The following KCNG2 variants were observed in gnomAD, a reference collection of about 807,000 sequenced individuals.
The protein encoded by KCNG2 is potassium voltage-gated channel modifier subfamily G member 2.
A neutral mutation model predicts 12.3 loss-of-function variants in KCNG2; 7 were observed. That is an observed-to-expected ratio of 0.57 (90% CI 0.32 to 1.07). The LOEUF is 1.07. Ranked by LOEUF, KCNG2 falls within the 50% of genes least tolerant of loss-of-function variation. The probability of loss-of-function intolerance (pLI) is 0.04; values close to 1 mark genes in which losing one functional copy is unlikely to be tolerated. For synonymous variants in KCNG2, 414 were observed against 351.4 expected, an observed-to-expected ratio of 1.18 and a Z score of -1.99; for missense variants, 703 against 726.0, an observed-to-expected ratio of 0.97 and a Z score of 0.36.
At chr18:79,863,324 G>A (rs1979291513) in intron 2 of KCNG2, among the ~76,000 whole-genome samples, 1 of 152,238 alleles carries the variant, frequency 6.6e-6, no homozygotes, top group South Asian at 2.1e-4. Context: ...TGGAGTTTGC[G>A]TCGATTTGTG....
At position 79,856,470 on chromosome 18, in the gene KCNG2, C is replaced by T. The variant is rs149436900; in HGVS notation, c.-41+18C>T. Reference sequence around the variant, plus strand: ...AGAGCCAGGTAAACCCAGAACCTGCCAGAAGGGCAAGAAACCTCAAGTCGT... The same window carrying T: ...AGAGCCAGGTAAACCCAGAACCTGCTAGAAGGGCAAGAAACCTCAAGTCGT... On this transcript the variant is annotated intron_variant, in intron 2 of 3. Coordinates refer to ENST00000316249, the MANE Select transcript of KCNG2 (RefSeq NM_012283.2). Among the ~76,000 whole-genome samples the T allele has an allele frequency of 9.9e-5, 15 of 152,266 alleles. No homozygotes were observed. The highest frequency in any genetic ancestry group is 2.1e-4 in the Non-Finnish European group (14 of 68,016).
At chr18:79,893,146 A>C (rs1333589713) in intron 3 of KCNG2, among the ~76,000 whole-genome samples, 1 of 151,618 alleles carries the variant, frequency 6.6e-6, no homozygotes, top group African/African-American at 2.4e-5. Flanking sequence ...CACGCCATTC[A>C]CATCTAATGT....
chr18:79,879,238 C>T (rs1158324138), intron 3 of KCNG2, among the ~76,000 whole-genome samples: 2 of 152,236 alleles, frequency 1.3e-5, no homozygotes, highest in Non-Finnish European at 2.9e-5. Context: ...GGCTGGTGCA[C>T]AGGGCCTGAC....
rs1293725526 is a variant in KCNG2, at chr18:79,868,244, CG to C, written c.624+3954del. Among the ~76,000 whole-genome samples the C allele has an allele frequency of 2.0e-5, 3 of 152,234 alleles. No individual in the cohort carries two copies. In the East Asian group the frequency reaches 5.8e-4, roughly 29 times the overall value. Reference sequence around the variant, plus strand: ...TCCTCTCAGGGACAACCCTGGGCTCCGTGGCACCCAGCCCTTCACACTCCTG... The same window carrying C: ...TCCTCTCAGGGACAACCCTGGGCTCCTGGCACCCAGCCCTTCACACTCCTG... On this transcript the variant is annotated intron_variant, in intron 3 of 3. Coordinates refer to ENST00000316249, the MANE Select transcript of KCNG2 (RefSeq NM_012283.2).
At chr18:79,898,397 C>G (rs1599445259) in intron 3 of KCNG2, among the ~76,000 whole-genome samples, 1 of 152,350 alleles carries the variant, frequency 6.6e-6, no homozygotes, top group South Asian at 2.1e-4. Context: ...CTCAGTGTGC[C>G]ACACCCAAGG....
At chr18:79,866,626 GCTGAGAGGTCTGTTTT>G (rs1435567462) in intron 3 of KCNG2, among the ~76,000 whole-genome samples, 4 of 143,976 alleles carry the variant, frequency 2.8e-5, no homozygotes, top group East Asian at 2.2e-4. Flanking sequence ...AGGTCTGTGT[GCTGAGAGGTCTGTTTT>G]CTGAGAGGTC....
rs1979310542 is a variant in KCNG2 at position 79,863,615 on chromosome 18, G to A, written c.-40-13G>A. ...AGCCCTCGCGACCCTAACGCGGTCC[G>A]TTCCTTTTGCAGGAGCCGGGCAGGA... On this transcript the variant is annotated splice_polypyrimidine_tract_variant and intron_variant, in intron 2 of 3. Coordinates refer to ENST00000316249, the MANE Select transcript of KCNG2 (RefSeq NM_012283.2). 2 of 1,193,630 alleles carry A rather than the reference G, an allele frequency of 1.7e-6. No homozygotes were observed. Among genetic ancestry groups the A allele is most frequent in the African/African-American group, 1.6e-5 (1 of 63,110 alleles). 73.9% of individuals were successfully genotyped at this position (1,193,630 alleles called of 1,614,324 possible). A position where few individuals can be genotyped will look rare whatever the true frequency, so the allele number is the denominator to read the frequency against.
At chr18:79,814,281 A>C (rs1416792145) in intron 1 of KCNG2, among the ~76,000 whole-genome samples, 1 of 152,250 alleles carries the variant, frequency 6.6e-6, no homozygotes, top group Non-Finnish European at 1.5e-5. Context: ...AAATATATTC[A>C]CATAAAAACC....
chr18:79,897,422 AT>A (rs1413038195), intron 3 of KCNG2, among the ~76,000 whole-genome samples: 2 of 151,978 alleles, frequency 1.3e-5, no homozygotes, highest in East Asian at 3.9e-4. Context: ...CCGTTTGGGT[AT>A]TTTTTTAAAT....
At chr18:79,875,102 G>A (rs746088168) in intron 3 of KCNG2, among the ~76,000 whole-genome samples, 1 of 152,180 alleles carries the variant, frequency 6.6e-6, no homozygotes, top group East Asian at 1.9e-4. Flanking sequence ...CTCTTCGCCA[G>A]GGTGGGTCAT....
At chr18:79,856,825 G>T (rs1979025306) in intron 2 of KCNG2, among the ~76,000 whole-genome samples, 1 of 151,924 alleles carries the variant, frequency 6.6e-6, no homozygotes, top group African/African-American at 2.4e-5. Flanking sequence ...GCTGCATTAG[G>T]AAGCTCCGTC....
chr18:79,808,287 T>C (rs375846589), intron 1 of KCNG2, among the ~76,000 whole-genome samples: 1 of 3,892 alleles, frequency 2.6e-4, no homozygotes, highest in Non-Finnish European at 4.1e-4. Flanking sequence ...CTCCACGTTA[T>C]GGGCCCAGAG....
rs950694900 is a variant in KCNG2, at chr18:79,803,364, T to C, written c.-115+5350T>C. 5.9e-5 allele frequency among the ~76,000 whole-genome samples: 9 copies of C among 152,178 alleles called. No homozygotes were observed. The highest frequency in any genetic ancestry group is 2.2e-4 in the African/African-American group (9 of 41,448). On this transcript the variant is annotated intron_variant, in intron 1 of 3. Coordinates refer to ENST00000316249, the MANE Select transcript of KCNG2 (RefSeq NM_012283.2). This position sits in a 1 kb window ranked among gnomAD's most constrained non-coding sequence, Gnocchi z 4.5. ...TTCACAGCCACTTCAAGATGACAGT[T>C]TCTGACTGTGAACAAATTTCCTTGA...
intron 1 of KCNG2, among the ~76,000 whole-genome samples, chr18:79,827,318 C>G (rs1349858399): frequency 6.6e-6 from 1 of 152,248 alleles, no homozygotes; most frequent in Non-Finnish European, 1.5e-5. Flanking sequence ...TCAAACTAAG[C>G]CTCCTTTCGT....
chr18:79,853,419 G>A (rs1978894867), intron 1 of KCNG2, among the ~76,000 whole-genome samples: 1 of 152,128 alleles, frequency 6.6e-6, no homozygotes. Flanking sequence ...TCAGGCAGAG[G>A]AATGGCTGTG....
rs111488199 is a variant in KCNG2 at position 79,851,040 on chromosome 18, C to T, written c.-114-5339C>T. On this transcript the variant is annotated intron_variant, in intron 1 of 3. Transcript: ENST00000316249. ...ACCTTGTGCAAGAAAGAATTCAGGA[C>T]ATGTCTGCCGTGTGCAGCAAAAGCA... Among the ~76,000 whole-genome samples, 761 of 152,232 alleles carry T rather than the reference C, an allele frequency of 5.0e-3. 10 individuals are homozygous for T. Among genetic ancestry groups the T allele is most frequent in the African/African-American group, 0.017 (721 of 41,530 alleles).
intron 1 of KCNG2, among the ~76,000 whole-genome samples, chr18:79,851,606 GGGTGTGTGAGAGTGTGTGTGTATGTGC>G (rs1978818974): frequency 7.2e-6 from 1 of 138,392 alleles, no homozygotes; most frequent in South Asian, 2.9e-4. Flanking sequence ...GTGCATGTGC[GGGTGTGTGAGAGTGTGTGTGTATGTGC>G]GGTGTGCAAG....
intron 3 of KCNG2, among the ~76,000 whole-genome samples, chr18:79,891,186 T>C (rs780609696): frequency 6.6e-5 from 10 of 152,182 alleles, no homozygotes; most frequent in Non-Finnish European, 8.8e-5. Context: ...CTTATAGGCA[T>C]TGAAAGCTAT....
chr18:79,805,663 C>T (rs932400144), intron 1 of KCNG2, among the ~76,000 whole-genome samples: 1 of 152,144 alleles, frequency 6.6e-6, no homozygotes, highest in Non-Finnish European at 1.5e-5. Flanking sequence ...CACCTGGCGC[C>T]CTGCAGGGCT....
Sources: allele counts gnomAD v4.1 joint callset (sites outside exome capture counted in the v4.1 genomes callset), GRCh38; gene constraint gnomAD v4.1.1; non-coding constraint Gnocchi (gnomAD v3.1); transcripts MANE v1.5; gene names NCBI Gene and HGNC (gene_info 2026-07-23, HGNC 2026-07-21).